Variants in BRDT observed in about 807,000 individuals in gnomAD.
BRDT encodes bromodomain testis-specific protein.
A neutral mutation model predicts 113.9 loss-of-function variants in BRDT; 77 were observed. The ratio of observed to expected loss-of-function variants is 0.68; its 90% CI spans 0.56 to 0.82. The LOEUF (loss-of-function observed/expected upper bound fraction) is 0.82, where lower values mean the gene tolerates loss of function less well. BRDT is among the 40% of genes least tolerant of loss of function. The probability of loss-of-function intolerance (pLI) is 0.00; values close to 1 mark genes in which losing one functional copy is unlikely to be tolerated. For missense variants in BRDT, 1,027 were observed against 1,105.4 expected, an observed-to-expected ratio of 0.93 and a Z score of 1.01; for synonymous variants, 358 against 366.5, an observed-to-expected ratio of 0.98 and a Z score of 0.26.
intron 5 of BRDT, 114 bp from the exon 6 acceptor site, chr1:91,976,929 C>G (rs1570517114): frequency 1.3e-6 from 1 of 782,512 alleles, no homozygotes. Flanking sequence ...TGTAAATTAT[C>G]TATATGAAGA....
intron 15 of BRDT, among the ~76,000 whole-genome samples, chr1:92,000,944 T>C (rs1024419371): frequency 6.6e-6 from 1 of 152,234 alleles, no homozygotes; most frequent in Non-Finnish European, 1.5e-5. Flanking sequence ...AATATTTGCA[T>C]GAAAACTTAA....
In BRDT at chr1:91,981,704, G is replaced by A. The variant is rs1684751308; in HGVS notation, c.1951G>A (p.Glu651Lys). ...CAGCAGCAGCAGCTCATCAGAGTCTGAAAGTAGCAGCAGTGACTTAAGCTC... is the reference window on the plus strand; with the variant it reads ...CAGCAGCAGCAGCTCATCAGAGTCTAAAAGTAGCAGCAGTGACTTAAGCTC... The part of the protein sequence containing the change: ...SSSSSSSSES[E>K]SSSSDLSSSD... The change falls in exon 12 of 19, where the codon GAA becomes AAA. Residue 651 changes from glutamate to lysine, a missense_variant. Coordinates refer to ENST00000399546, the MANE Select transcript of BRDT (RefSeq NM_207189.4). The A allele has an allele frequency of 6.2e-7, 1 of 1,614,066 alleles. No homozygotes were observed. The highest frequency in any genetic ancestry group is 1.3e-5 in the African/African-American group (1 of 74,928).
At chr1:91,994,615 C>T (rs1686100773) in intron 15 of BRDT, among the ~76,000 whole-genome samples, 1 of 151,874 alleles carries the variant, frequency 6.6e-6, no homozygotes. Flanking sequence ...GCCTGTAATC[C>T]CAGCACTTTG....
At chr1:91,955,628 A>G (rs928599328) in intron 1 of BRDT, among the ~76,000 whole-genome samples, 2 of 152,160 alleles carry the variant, frequency 1.3e-5, no homozygotes, top group Non-Finnish European at 2.9e-5. Flanking sequence ...ATAAAAAGCC[A>G]CATAAGCCCA....
At chr1:91,968,110 T>C in intron 3 of BRDT, 36 bp from the exon 4 acceptor site, 2 of 1,604,276 alleles carry the variant, frequency 1.2e-6, no homozygotes, top group Non-Finnish European at 1.7e-6. Context: ...GTGACCATAC[T>C]GTATATCCTT....
At chr1:91,957,835 GTTGTTTTTTGTTT>G (rs1052558386) in intron 1 of BRDT, among the ~76,000 whole-genome samples, 2 of 151,916 alleles carry the variant, frequency 1.3e-5, no homozygotes, top group South Asian at 2.1e-4. Flanking sequence ...GTGTTTTTTT[GTTGTTTTTTGTTT>G]TTGTTTTTGT....
chr1:92,007,213 C>T lies in BRDT; in HGVS notation c.2775+1914C>T, dbSNP rs115105145. ...TTCTCTCTCTCTTTTTTTTTCTGCC[C>T]GTTTTTGTATTAAGCTTTTTTGTTG... On this transcript the variant is annotated intron_variant, in intron 18 of 18. Coordinates refer to ENST00000399546, the MANE Select transcript of BRDT (RefSeq NM_207189.4). 1.9e-3 allele frequency among the ~76,000 whole-genome samples: 288 copies of T among 151,194 alleles called. 1 individual carries two copies. The highest frequency in any genetic ancestry group is 6.6e-3 in the African/African-American group (270 of 41,190).
chr1:91,962,974 T>G, intron 2 of BRDT, 28 bp downstream of exon 2: 5 of 1,467,982 alleles, frequency 3.4e-6, no homozygotes, highest in Non-Finnish European at 4.5e-6. Flanking sequence ...TATGTTAGTT[T>G]CAAAAAAAGA....
intron 1 of BRDT, among the ~76,000 whole-genome samples, chr1:91,957,201 A>T (rs1681868074): frequency 6.6e-6 from 1 of 152,100 alleles, no homozygotes; most frequent in Non-Finnish European, 1.5e-5. Context: ...GTTTTAATAG[A>T]TTTTATTTTT....
intron 12 of BRDT, among the ~76,000 whole-genome samples, chr1:91,990,410 G>A (rs1358917685): frequency 6.6e-6 from 1 of 152,148 alleles, no homozygotes; most frequent in East Asian, 1.9e-4. Context: ...TATCCTCTCA[G>A]ATAAATGACA....
chr1:91,987,869 A>G (rs1685403601), intron 12 of BRDT, among the ~76,000 whole-genome samples: 1 of 151,664 alleles, frequency 6.6e-6, no homozygotes, highest in Non-Finnish European at 1.5e-5. Flanking sequence ...TGTTTTGTTG[A>G]GACAGAGTCT....
chr1:92,009,085 T>A (rs1687579797), intron 18 of BRDT, among the ~76,000 whole-genome samples: 1 of 152,212 alleles, frequency 6.6e-6, no homozygotes, highest in African/African-American at 2.4e-5. Context: ...ACTGAAAGTT[T>A]GTATTCCTTG....
rs1055031606 is a variant in BRDT at position 91,978,233 on chromosome 1, C to T, written c.1035C>T (p.Phe345=). Reference sequence around the variant, plus strand: ...TTGCGGCAGATGTTAGATTAATGTTCATGAATTGCTACAAGTACAATCCTC... The same window carrying T: ...TTGCGGCAGATGTTAGATTAATGTTTATGAATTGCTACAAGTACAATCCTC... ...YKFAADVRLM[F]MNCYKYNPPD... Residue 345 remains phenylalanine, a synonymous_variant, in exon 7 of 19, where the codon TTC becomes TTT. Coordinates refer to ENST00000399546, the MANE Select transcript of BRDT (RefSeq NM_207189.4). 6.2e-7 allele frequency: 1 copy of T among 1,613,968 alleles called. No individual in the cohort carries two copies. The highest frequency in any genetic ancestry group is 8.5e-7 in the Non-Finnish European group (1 of 1,179,946).
In BRDT at chr1:91,962,828, A is replaced by T. The variant is rs1318471607; in HGVS notation, c.74A>T (p.Asn25Ile). The change falls in exon 2 of 19, where the codon AAT becomes ATT. Residue 25 changes from asparagine (N) to isoleucine (I), a missense_variant. Coordinates refer to ENST00000399546, the MANE Select transcript of BRDT (RefSeq NM_207189.4). ...CCAGAATATATAAATACTAAGAAAA[A>T]TGGGCGATTGACAAATCAACTTCAG... is the stretch of plus-strand genomic sequence containing the variant. ...PPPEYINTKKNGRLTNQLQYL... is the reference protein window; with the variant it reads ...PPPEYINTKKIGRLTNQLQYL... 6.2e-7 allele frequency: 1 copy of T among 1,612,610 alleles called. No individual in the cohort carries two copies. Among genetic ancestry groups the T allele is most frequent in the Non-Finnish European group, 8.5e-7 (1 of 1,179,650 alleles).
At chr1:91,982,085 A>G (rs764672299) in intron 12 of BRDT, among the ~76,000 whole-genome samples, 18 of 152,210 alleles carry the variant, frequency 1.2e-4, no homozygotes, top group Non-Finnish European at 1.6e-4. Flanking sequence ...GTTTTATAAA[A>G]TAAAAGATTA....
At position 91,964,823 on chromosome 1, in the gene BRDT, G is replaced by A. The variant is rs1042489575; in HGVS notation, c.330+59G>A. ...TTGCCATTACATATAGGAGAGAAATGTATAAAATCATGTGATCATTTCAGA... is the reference window on the plus strand; with the variant it reads ...TTGCCATTACATATAGGAGAGAAATATATAAAATCATGTGATCATTTCAGA... On this transcript the variant is annotated intron_variant, in intron 3 of 18. Transcript: ENST00000399546. 6.0e-5 allele frequency: 69 copies of A among 1,152,614 alleles called. No individual in the cohort carries two copies. In the African/African-American group the frequency reaches 8.7e-4, roughly 15 times the overall value. The allele number at this position is 1,152,614 out of a possible 1,614,324, so 71.4% of individuals were successfully genotyped here.
intron 15 of BRDT, among the ~76,000 whole-genome samples, chr1:91,998,499 A>AAAATTTTTTT (rs1686553220): frequency 6.6e-6 from 1 of 152,240 alleles, no homozygotes; most frequent in Admixed American, 6.5e-5. Flanking sequence ...GTATAATAAA[A>AAAATTTTTTT]AAATTTTTTT....
chr1:92,014,402 T>A lies in BRDT; in HGVS notation c.*128T>A. 1.8e-6 allele frequency: 1 copy of A among 557,072 alleles called. No individual in the cohort carries two copies. 34.5% of individuals were successfully genotyped at this position (557,072 alleles called of 1,614,324 possible). ...TTGTATTTTGACTGCTCTAAAATGA[T>A]TAAACAGTTTTCACTTACATTTTTA... On this transcript the variant is annotated 3_prime_UTR_variant, in exon 19 of 19. Coordinates refer to ENST00000399546, the MANE Select transcript of BRDT (RefSeq NM_207189.4).
rs769416895 is a variant in BRDT, at chr1:91,992,310, C to T, written c.2111C>T (p.Thr704Ile). The T allele has an allele frequency of 2.0e-6, 3 of 1,492,480 alleles. No homozygotes were observed. Among genetic ancestry groups the T allele is most frequent in the African/African-American group, 1.5e-5 (1 of 68,890 alleles). 92.5% of individuals were successfully genotyped at this position (1,492,480 alleles called of 1,614,324 possible). A position where few individuals can be genotyped will look rare whatever the true frequency, so the allele number is the denominator to read the frequency against. Residue 704 changes from threonine (T) to isoleucine (I), a missense_variant, in exon 14 of 19, where the codon ACA becomes ATA. Coordinates refer to ENST00000399546, the MANE Select transcript of BRDT (RefSeq NM_207189.4). ...CCGCCTGAAGGAAGAACAGGCGTCA[C>T]ACAGGTAATGCTTAAAATGTGTTTT... Reference protein sequence around the residue: ...CIPPEGRTGVTQIGYCVQDTT... With the variant: ...CIPPEGRTGVIQIGYCVQDTT...
Sources: allele counts gnomAD v4.1 joint callset (sites outside exome capture counted in the v4.1 genomes callset), GRCh38; gene constraint gnomAD v4.1.1; transcripts MANE v1.5; gene names NCBI Gene and HGNC (gene_info 2026-07-23, HGNC 2026-07-21).